ADAMTS12: variants seen among roughly 807,000 people sequenced by gnomAD.
ADAMTS12 encodes A disintegrin and metalloproteinase with thrombospondin motifs 12.
A neutral mutation model predicts 167.8 loss-of-function variants in ADAMTS12; 118 were observed. The ratio of observed to expected loss-of-function variants is 0.70; its 90% CI spans 0.61 to 0.82. The LOEUF (loss-of-function observed/expected upper bound fraction) is 0.82. ADAMTS12 is among the 40% of genes least tolerant of loss of function. The pLI, the probability that ADAMTS12 is intolerant of heterozygous loss-of-function variation, is 0.00. For synonymous variants in ADAMTS12, 704 were observed against 716.9 expected, an observed-to-expected ratio of 0.98 and a Z score of 0.29; for missense variants, 1,916 against 1,998.8, an observed-to-expected ratio of 0.96 and a Z score of 0.79.
At chr5:33,783,975 C>A (rs1746239198) in intron 2 of ADAMTS12, among the ~76,000 whole-genome samples, 2 of 151,824 alleles carry the variant, frequency 1.3e-5, no homozygotes, top group Admixed American at 6.6e-5. Context: ...AATAACAAAC[C>A]AAATTTAGCA....
intron 19 of ADAMTS12, among the ~76,000 whole-genome samples, chr5:33,572,597 C>T (rs1299710625): frequency 4.4e-5 from 6 of 135,968 alleles, no homozygotes; most frequent in South Asian, 4.9e-4. Context: ...TGGGACGTAT[C>T]TCAAAATAAT....
intron 22 of ADAMTS12, among the ~76,000 whole-genome samples, chr5:33,542,541 C>A (rs1172553292): frequency 6.6e-6 from 1 of 152,160 alleles, no homozygotes; most frequent in Non-Finnish European, 1.5e-5. Context: ...ACTCTTCACC[C>A]CAAATCAACA....
chr5:33,539,989 G>A (rs553397681), intron 22 of ADAMTS12, among the ~76,000 whole-genome samples: 24 of 152,326 alleles, frequency 1.6e-4, no homozygotes, highest in African/African-American at 4.8e-4. Flanking sequence ...AGGGCGAGCG[G>A]AAGCAGGGCG....
intron 14 of ADAMTS12, 82 bp downstream of exon 14, chr5:33,624,149 C>T: frequency 1.3e-6 from 2 of 1,577,114 alleles, no homozygotes; most frequent in Non-Finnish European, 1.7e-6. Context: ...GAAATAAAAA[C>T]AAAAACTAGG....
chr5:33,873,627 G>A (rs1750122780), intron 2 of ADAMTS12, among the ~76,000 whole-genome samples: 2 of 152,162 alleles, frequency 1.3e-5, no homozygotes. Flanking sequence ...GCAAGGAGAA[G>A]TGGAGAACTG....
At chr5:33,723,064 G>A (rs150063833) in intron 3 of ADAMTS12, among the ~76,000 whole-genome samples, 1 of 152,310 alleles carries the variant, frequency 6.6e-6, no homozygotes, top group African/African-American at 2.4e-5. Context: ...GGCCCTGATG[G>A]ATGGCTTTGA....
chr5:33,744,925 T>G (rs1324588161), intron 3 of ADAMTS12, among the ~76,000 whole-genome samples: 1 of 152,206 alleles, frequency 6.6e-6, no homozygotes, highest in Non-Finnish European at 1.5e-5. Context: ...GCAATCCTTC[T>G]GCCTCAGCCT....
intron 2 of ADAMTS12, among the ~76,000 whole-genome samples, chr5:33,868,670 T>C (rs909661875): frequency 1.3e-5 from 2 of 152,196 alleles, no homozygotes; most frequent in African/African-American, 4.8e-5. Flanking sequence ...AGAAATGACT[T>C]GGAACTGGAA....
intron 5 of ADAMTS12, among the ~76,000 whole-genome samples, chr5:33,672,212 C>T (rs558329431): frequency 4.0e-5 from 6 of 150,494 alleles, no homozygotes; most frequent in African/African-American, 1.5e-4. Context: ...CACACCCCCA[C>T]ATACATACAC....
At chr5:33,668,267 A>G (rs1215130711) in intron 5 of ADAMTS12, among the ~76,000 whole-genome samples, 1 of 40,680 alleles carries the variant, frequency 2.5e-5, no homozygotes, top group East Asian at 8.6e-4. Flanking sequence ...TGAATAGCTC[A>G]TGTAATTTAC....
intron 1 of ADAMTS12, among the ~76,000 whole-genome samples, chr5:33,890,255 G>A (rs1750793986): frequency 6.6e-6 from 1 of 152,200 alleles, no homozygotes; most frequent in South Asian, 2.1e-4. Context: ...AGTGCTTGCA[G>A]GCTTTGTTTG....
chr5:33,540,942 A>C lies in ADAMTS12; in HGVS notation c.4446+5117T>G, dbSNP rs142475199. On this transcript the variant is annotated intron_variant, in intron 22 of 23. Coordinates refer to ENST00000504830, the MANE Select transcript of ADAMTS12 (RefSeq NM_030955.4). ...TTCCTCTTCTCCTTCAAAGGATCGT[A>C]GCTCCTCACCAGCACTGGAACAAAG... is the stretch of plus-strand genomic sequence containing the variant. Among the ~76,000 whole-genome samples the C allele has an allele frequency of 1.5e-3, 232 of 152,358 alleles. 2 individuals carry two copies. The highest frequency in any genetic ancestry group is 5.3e-3 in the African/African-American group (220 of 41,588).
At chr5:33,792,171 T>C (rs1746600559) in intron 2 of ADAMTS12, among the ~76,000 whole-genome samples, 1 of 151,974 alleles carries the variant, frequency 6.6e-6, no homozygotes, top group Non-Finnish European at 1.5e-5. Context: ...CTAATTTGTT[T>C]GTTTAGTAGA....
chr5:33,573,999 C>T (rs1746530726), intron 19 of ADAMTS12, among the ~76,000 whole-genome samples: 1 of 152,164 alleles, frequency 6.6e-6, no homozygotes, highest in Admixed American at 6.5e-5. Flanking sequence ...TGAAAAAATG[C>T]TCATCATCAC....
chr5:33,868,328 G>C (rs958433013), intron 2 of ADAMTS12, among the ~76,000 whole-genome samples: 2 of 152,164 alleles, frequency 1.3e-5, no homozygotes, highest in Non-Finnish European at 2.9e-5. Context: ...AGGAAGATGA[G>C]GAAAAGTTTA....
At chr5:33,651,677 T>C (rs963543698) in intron 7 of ADAMTS12, among the ~76,000 whole-genome samples, 1 of 152,162 alleles carries the variant, frequency 6.6e-6, no homozygotes, top group Non-Finnish European at 1.5e-5. Context: ...GGGGGATACA[T>C]GTGCAGGTCT....
At chr5:33,657,941 C>G (rs554891466) in intron 7 of ADAMTS12, among the ~76,000 whole-genome samples, 18 of 152,072 alleles carry the variant, frequency 1.2e-4, no homozygotes, top group Non-Finnish European at 2.5e-4. Context: ...ACTGGAGTGG[C>G]CTATTTGGTT....
At chr5:33,693,900 T>G (rs1742647109) in intron 3 of ADAMTS12, among the ~76,000 whole-genome samples, 1 of 152,208 alleles carries the variant, frequency 6.6e-6, no homozygotes, top group Admixed American at 6.5e-5. Flanking sequence ...GCAGATGATA[T>G]GATTCTATAC....
At chr5:33,644,551 G>A (rs998766408) in intron 9 of ADAMTS12, among the ~76,000 whole-genome samples, 7 of 151,840 alleles carry the variant, frequency 4.6e-5, no homozygotes, top group Non-Finnish European at 1.0e-4. Context: ...ATATCTTCTG[G>A]TTCTTTTTTC....
Sources: gnomAD v4.1 joint callset for allele counts (sites outside exome capture counted in the v4.1 genomes callset) on GRCh38, gnomAD v4.1.1 for gene constraint, MANE v1.5 for transcripts, NCBI Gene and HGNC (gene_info 2026-07-23, HGNC 2026-07-21) for gene names.